TMEM132D: variants seen among roughly 807,000 people sequenced by gnomAD.
TMEM132D encodes the protein transmembrane protein 132D, also known as mature OL transmembrane protein.
TMEM132D carries 21 observed loss-of-function variants against 62.3 expected under a neutral mutation model. The ratio of observed to expected loss-of-function variants is 0.34; its 90% CI spans 0.24 to 0.49. TMEM132D has a LOEUF of 0.49. Ranked by LOEUF, TMEM132D falls within the 20% of genes least tolerant of loss-of-function variation. The probability of loss-of-function intolerance (pLI) is 0.99; values close to 1 mark genes in which losing one functional copy is unlikely to be tolerated. For synonymous variants in TMEM132D, 621 were observed against 575.6 expected (o/e 1.08, Z -1.13); for missense variants, 1,346 against 1,402.8 (o/e 0.96, Z 0.65).
rs184632558 is a variant in TMEM132D at position 129,552,306 on chromosome 12, A to G, written c.969-21101T>C. Among the ~76,000 whole-genome samples the G allele has an allele frequency of 2.1e-3, 318 of 152,272 alleles. 3 individuals are homozygous for G. The highest frequency in any genetic ancestry group is 7.3e-3 in the African/African-American group (304 of 41,546). On this transcript the variant is annotated intron_variant, in intron 2 of 8. Transcript: ENST00000422113. Reference sequence around the variant, plus strand: ...TATGCATTTATGTCTATTATCTATCATCAATCCATTATCTATATATCTGGC... The same window carrying G: ...TATGCATTTATGTCTATTATCTATCGTCAATCCATTATCTATATATCTGGC...
rs143021704 is a variant in TMEM132D, at chr12:129,334,835, C to A, written c.1299+2799G>T. On this transcript the variant is annotated intron_variant, in intron 4 of 8. Coordinates refer to ENST00000422113, the MANE Select transcript of TMEM132D (RefSeq NM_133448.3). Reference sequence around the variant, plus strand: ...GAACTCCTGACCTCAGGTGATCCACCTTTCTTGGCCTCCCAAAGTGCTGGG... The same window carrying A: ...GAACTCCTGACCTCAGGTGATCCACATTTCTTGGCCTCCCAAAGTGCTGGG... Among the ~76,000 whole-genome samples the A allele has an allele frequency of 5.0e-3, 763 of 152,212 alleles. 8 individuals carry two copies. Among genetic ancestry groups the A allele is most frequent in the African/African-American group, 0.018 (731 of 41,510 alleles).
chr12:129,345,065 G>A (rs1369355824), intron 3 of TMEM132D, among the ~76,000 whole-genome samples: 1 of 151,912 alleles, frequency 6.6e-6, no homozygotes, highest in East Asian at 1.9e-4. Context: ...CTTGGATTTG[G>A]GCAAACTGGC....
At chr12:129,569,465 A>C (rs1719804437) in intron 2 of TMEM132D, among the ~76,000 whole-genome samples, 1 of 152,180 alleles carries the variant, frequency 6.6e-6, no homozygotes, top group South Asian at 2.1e-4. Flanking sequence ...CTGTAATATA[A>C]ATATTCATTG....
At chr12:129,654,689 G>A (rs1337818634) in intron 2 of TMEM132D, among the ~76,000 whole-genome samples, 2 of 152,098 alleles carry the variant, frequency 1.3e-5, no homozygotes, top group African/African-American at 4.8e-5. Flanking sequence ...TCGGCTTGCT[G>A]AAAGTACACA....
intron 1 of TMEM132D, among the ~76,000 whole-genome samples, chr12:129,735,780 G>C (rs1417296712): frequency 6.6e-6 from 1 of 152,222 alleles, no homozygotes; most frequent in East Asian, 1.9e-4. Flanking sequence ...CTAGAATTGG[G>C]TGAGGGGAGG....
At chr12:129,690,907 C>G (rs1881047680) in intron 2 of TMEM132D, among the ~76,000 whole-genome samples, 1 of 152,094 alleles carries the variant, frequency 6.6e-6, no homozygotes, top group African/African-American at 2.4e-5. Flanking sequence ...TTCTCAAAAT[C>G]TCATGAAACA....
chr12:129,815,880 T>C (rs1441441692), intron 1 of TMEM132D, among the ~76,000 whole-genome samples: 1 of 152,246 alleles, frequency 6.6e-6, no homozygotes, highest in Non-Finnish European at 1.5e-5. Context: ...AATACTCGTA[T>C]GAATTCAATG....
intron 3 of TMEM132D, among the ~76,000 whole-genome samples, chr12:129,432,713 C>T (rs1872695061): frequency 6.6e-6 from 1 of 152,156 alleles, no homozygotes; most frequent in Admixed American, 6.5e-5. Flanking sequence ...ACCCATAGCC[C>T]AGGTAAAAGA....
intron 4 of TMEM132D, among the ~76,000 whole-genome samples, chr12:129,225,218 T>A (rs1370265487): frequency 6.6e-6 from 1 of 152,224 alleles, no homozygotes; most frequent in East Asian, 1.9e-4. Context: ...GTTATTGCCA[T>A]GACTGGCGCA....
chr12:129,457,189 C>T (rs1873498841), intron 3 of TMEM132D, among the ~76,000 whole-genome samples: 1 of 151,922 alleles, frequency 6.6e-6, no homozygotes, highest in Non-Finnish European at 1.5e-5. Context: ...TGGAACCAAC[C>T]CAAATGTCCA....
chr12:129,166,890 G>T (rs775108431), intron 5 of TMEM132D, among the ~76,000 whole-genome samples: 1 of 151,954 alleles, frequency 6.6e-6, no homozygotes, highest in Non-Finnish European at 1.5e-5. Flanking sequence ...GTTGCTGGGC[G>T]CAGTGGCTCA....
At chr12:129,597,708 G>A (rs767419377) in intron 2 of TMEM132D, among the ~76,000 whole-genome samples, 4 of 152,182 alleles carry the variant, frequency 2.6e-5, no homozygotes, top group African/African-American at 4.8e-5. Context: ...TCTCACCTGC[G>A]TTTCAACCAT....
chr12:129,237,341 T>A (rs1299602098), intron 4 of TMEM132D, among the ~76,000 whole-genome samples: 4 of 152,188 alleles, frequency 2.6e-5, no homozygotes, highest in African/African-American at 9.6e-5. Flanking sequence ...CAGAGTTTAA[T>A]GCCTGAAAAA....
At chr12:129,884,406 A>C (rs949295130) in intron 1 of TMEM132D, among the ~76,000 whole-genome samples, 1 of 152,226 alleles carries the variant, frequency 6.6e-6, no homozygotes, top group African/African-American at 2.4e-5. Context: ...CTCAAAACTG[A>C]ATAGTAAAGC....
intron 1 of TMEM132D, among the ~76,000 whole-genome samples, chr12:129,776,754 C>A (rs1258250362): frequency 7.7e-6 from 1 of 129,968 alleles, no homozygotes; most frequent in East Asian, 2.4e-4. Context: ...AACGACATGT[C>A]AGGTCTGTAG....
At chr12:129,756,238 T>G (rs1048224696) in intron 1 of TMEM132D, among the ~76,000 whole-genome samples, 1 of 152,156 alleles carries the variant, frequency 6.6e-6, no homozygotes, top group Non-Finnish European at 1.5e-5. Context: ...CATAATACCA[T>G]ACTGTACACT....
intron 1 of TMEM132D, among the ~76,000 whole-genome samples, chr12:129,888,180 T>C (rs1874804578): frequency 6.6e-6 from 1 of 152,228 alleles, no homozygotes; most frequent in Non-Finnish European, 1.5e-5. Flanking sequence ...ATCACAACAG[T>C]AATTTCCATT....
intron 3 of TMEM132D, among the ~76,000 whole-genome samples, chr12:129,524,508 C>T (rs923896296): frequency 5.9e-5 from 9 of 152,126 alleles, no homozygotes; most frequent in Non-Finnish European, 1.0e-4. Flanking sequence ...ATGAACACAA[C>T]TTTTTAAAAT....
chr12:129,200,236 T>G (rs953476968), intron 5 of TMEM132D, among the ~76,000 whole-genome samples: 1 of 152,172 alleles, frequency 6.6e-6, no homozygotes, highest in Non-Finnish European at 1.5e-5. Context: ...ACTATCAAAA[T>G]GACCACCTTT....
Sources: gnomAD v4.1 joint callset for allele counts (sites outside exome capture counted in the v4.1 genomes callset) on GRCh38, gnomAD v4.1.1 for gene constraint, MANE v1.5 for transcripts, NCBI Gene and HGNC (gene_info 2026-07-23, HGNC 2026-07-21) for gene names.